Variants in TENM3 observed in about 807,000 individuals in gnomAD.
TENM3 encodes teneurin-3.
A neutral mutation model predicts 255.1 loss-of-function variants in TENM3; 63 were observed. The ratio of observed to expected loss-of-function variants is 0.25; its 90% CI spans 0.20 to 0.30. The LOEUF (loss-of-function observed/expected upper bound fraction) is 0.30. Ranked by LOEUF, TENM3 falls within the 10% of genes least tolerant of loss-of-function variation. The pLI is 1.00. For missense variants in TENM3, 2,929 were observed against 3,461.1 expected, an observed-to-expected ratio of 0.85 and a Z score of 3.86; for synonymous variants, 1,306 against 1,322.3, an observed-to-expected ratio of 0.99 and a Z score of 0.27.
At chr4:182,031,599 G>A in the TENM3 span, among the ~76,000 whole-genome samples, 4 of 152,138 alleles carry the variant, frequency 2.6e-5, no homozygotes, top group African/African-American at 9.7e-5. Context: ...AATATCAATG[G>A]TAGTTTGATT....
intron 10 of TENM3, 54 bp downstream of exon 10, chr4:182,680,791 T>TACAATC: frequency 6.7e-6 from 9 of 1,341,972 alleles, no homozygotes; most frequent in African/African-American, 1.5e-5. Context: ...AAGAAACAGA[T>TACAATC]TGTATCTGTA....
upstream of TENM3, chr4:182,144,022 T>C (rs1026040447): frequency 6.6e-6 from 1 of 152,530 alleles, no homozygotes; most frequent in Non-Finnish European, 1.5e-5. Context: ...TTTTTTTGAA[T>C]AAAGAAGAAG....
At chr4:182,283,911 C>A (rs551852658) in intron 1 of TENM3, among the ~76,000 whole-genome samples, 47 of 152,126 alleles carry the variant, frequency 3.1e-4, no homozygotes, top group Middle Eastern at 3.4e-3. Flanking sequence ...AAATATTAAC[C>A]CAGAGACGTA....
chr4:181,917,679 T>G, the TENM3 span, among the ~76,000 whole-genome samples: 35 of 149,894 alleles, frequency 2.3e-4, no homozygotes, highest in Admixed American at 2.7e-4. Context: ...TTTTTTTTTT[T>G]GAGACAGGGT....
intron 3 of TENM3, among the ~76,000 whole-genome samples, chr4:182,594,877 G>A (rs1385965166): frequency 2.0e-5 from 3 of 151,784 alleles, no homozygotes; most frequent in Admixed American, 6.6e-5. Context: ...GTGCCACCGC[G>A]CCCAGCTAAT....
the TENM3 span, among the ~76,000 whole-genome samples, chr4:181,529,709 C>T: frequency 1.3e-5 from 2 of 152,230 alleles, no homozygotes; most frequent in Admixed American, 1.3e-4. Flanking sequence ...CACTCAGCCA[C>T]TCATTGGCCA....
At chr4:181,612,969 C>A in the TENM3 span, among the ~76,000 whole-genome samples, 2 of 152,126 alleles carry the variant, frequency 1.3e-5, no homozygotes, top group African/African-American at 2.4e-5. Flanking sequence ...ATTTGTAGTA[C>A]CTTTTTAATA....
chr4:181,979,097 C>CATAT, the TENM3 span, among the ~76,000 whole-genome samples: 3 of 30,382 alleles, frequency 9.9e-5, no homozygotes, highest in African/African-American at 2.3e-4. Flanking sequence ...TTAAGCCTGA[C>CATAT]ATATATATAT....
At chr4:181,614,471 A>C in the TENM3 span, among the ~76,000 whole-genome samples, 1 of 152,190 alleles carries the variant, frequency 6.6e-6, no homozygotes, top group African/African-American at 2.4e-5. Context: ...CTGATTCCAA[A>C]AGTTTAGATG....
chr4:182,132,269 G>A, the TENM3 span, among the ~76,000 whole-genome samples: 1 of 152,116 alleles, frequency 6.6e-6, no homozygotes, highest in African/African-American at 2.4e-5. Flanking sequence ...CACGAGGTCA[G>A]GAGTTCAAGA....
the TENM3 span, among the ~76,000 whole-genome samples, chr4:181,993,871 T>C: frequency 2.2e-4 from 33 of 152,232 alleles, no homozygotes; most frequent in African/African-American, 7.7e-4. Flanking sequence ...GACAGAATTT[T>C]TAATTTTTTA....
At chr4:182,115,427 T>A in the TENM3 span, among the ~76,000 whole-genome samples, 1 of 152,314 alleles carries the variant, frequency 6.6e-6, no homozygotes, top group Non-Finnish European at 1.5e-5. Context: ...ATAATCATTC[T>A]TTGGGTGCCT....
At chr4:181,490,503 C>A in the TENM3 span, among the ~76,000 whole-genome samples, 286 of 152,162 alleles carry the variant, frequency 1.9e-3, 1 homozygote, top group Non-Finnish European at 2.4e-3. Flanking sequence ...TCAGTTAATA[C>A]AATAAAGCAT....
chr4:182,711,616 C>A, intron 12 of TENM3: 2 of 969,014 alleles, frequency 2.1e-6, no homozygotes, highest in Non-Finnish European at 2.5e-6. Context: ...TGTATACTCG[C>A]TCTTTGTTGA....
chr4:182,564,744 A>G lies in TENM3; in HGVS notation c.512-36180A>G, dbSNP rs537421452. 3.9e-5 allele frequency among the ~76,000 whole-genome samples: 6 copies of G among 152,258 alleles called. No homozygotes were observed. In the East Asian group the frequency reaches 9.6e-4, roughly 24 times the overall value. ...TTATAATCTGTAAAGAAAGGCATCAATACGTGTCCTCCATCTGGTAGTTGA... is the reference window on the plus strand; with the variant it reads ...TTATAATCTGTAAAGAAAGGCATCAGTACGTGTCCTCCATCTGGTAGTTGA... On this transcript the variant is annotated intron_variant, in intron 3 of 27. Transcript: ENST00000511685.
chr4:181,937,068 G>A, the TENM3 span, among the ~76,000 whole-genome samples: 1 of 152,192 alleles, frequency 6.6e-6, no homozygotes, highest in Non-Finnish European at 1.5e-5. Flanking sequence ...CACCTAACCT[G>A]TGATCTGCAG....
the TENM3 span, among the ~76,000 whole-genome samples, chr4:181,582,731 A>G: frequency 5.3e-5 from 8 of 151,984 alleles, no homozygotes; most frequent in African/African-American, 1.7e-4. Flanking sequence ...TTAGTGAGAA[A>G]GAAACTGAGA....
intron 19 of TENM3, among the ~76,000 whole-genome samples, chr4:182,749,550 G>A (rs1203276693): frequency 6.6e-6 from 1 of 152,138 alleles, no homozygotes; most frequent in Non-Finnish European, 1.5e-5. Context: ...GCTAGGCCCT[G>A]TTCTAAGGAT....
chr4:182,267,483 A>C (rs1330750460), intron 1 of TENM3, among the ~76,000 whole-genome samples: 1 of 152,194 alleles, frequency 6.6e-6, no homozygotes, highest in Non-Finnish European at 1.5e-5. Context: ...ATAGGGAACC[A>C]ACCTCATACC....
Sources: gnomAD v4.1 joint callset for allele counts (sites outside exome capture counted in the v4.1 genomes callset) on GRCh38, gnomAD v4.1.1 for gene constraint, MANE v1.5 for transcripts, NCBI Gene and HGNC (gene_info 2026-07-23, HGNC 2026-07-21) for gene names.